The following NFATC1 variants were observed in gnomAD, a reference collection of about 807,000 sequenced individuals.
NFATC1 encodes nuclear factor of activated T cells 1.
A neutral mutation model predicts 76.0 loss-of-function variants in NFATC1; 22 were observed. The observed-to-expected ratio is 0.29, with a 90% CI of 0.21 to 0.41. NFATC1 has a LOEUF of 0.41. NFATC1 is among the 10% of genes least tolerant of loss of function. The pLI is 1.00. For synonymous variants in NFATC1, 704 were observed against 613.1 expected, an observed-to-expected ratio of 1.15 and a Z score of -2.19; for missense variants, 1,357 against 1,337.7, an observed-to-expected ratio of 1.01 and a Z score of -0.23.
At chr18:79,457,522 C>T (rs1049546971) in intron 6 of NFATC1, among the ~76,000 whole-genome samples, 5 of 152,246 alleles carry the variant, frequency 3.3e-5, no homozygotes, top group Non-Finnish European at 7.3e-5. Context: ...CAAAGTCACC[C>T]ATGGTCATGT....
At chr18:79,498,491 G>T (rs2089947595) in intron 9 of NFATC1, 1 of 151,940 alleles carries the variant, frequency 6.6e-6, no homozygotes, top group African/African-American at 2.4e-5. Flanking sequence ...TTAGACTGAG[G>T]AACAGAAAGA....
chr18:79,478,352 C>T (rs993965987), intron 8 of NFATC1, among the ~76,000 whole-genome samples: 17 of 152,132 alleles, frequency 1.1e-4, no homozygotes, highest in African/African-American at 3.6e-4. Context: ...AGCCAGGCCA[C>T]ACCAAGGCAG....
chr18:79,521,770 GT>G (rs2090590374), intron 9 of NFATC1, among the ~76,000 whole-genome samples: 1 of 52,020 alleles, frequency 1.9e-5, no homozygotes, highest in African/African-American at 8.2e-5. Context: ...GTCTGTGTGT[GT>G]GTGGGGAGCA....
intron 3 of NFATC1, among the ~76,000 whole-genome samples, chr18:79,436,457 C>G (rs1472100036): frequency 6.6e-6 from 1 of 152,312 alleles, no homozygotes; most frequent in East Asian, 1.9e-4. Flanking sequence ...TGGCGGGGGG[C>G]CGGGGGATGT....
chr18:79,428,312 C>G (rs115599139), intron 2 of NFATC1, among the ~76,000 whole-genome samples: 1,563 of 152,296 alleles, frequency 0.01, 22 homozygotes, highest in African/African-American at 0.035. Flanking sequence ...TTCAGTCTTG[C>G]ACTGGTGTTT....
chr18:79,512,232 G>A (rs147614305), intron 9 of NFATC1, among the ~76,000 whole-genome samples: 1 of 152,098 alleles, frequency 6.6e-6, no homozygotes, highest in African/African-American at 2.4e-5. Flanking sequence ...GGACACTGGC[G>A]AGTGTTTGGA....
At chr18:79,479,962 G>T (rs2089216880) in intron 8 of NFATC1, among the ~76,000 whole-genome samples, 1 of 152,222 alleles carries the variant, frequency 6.6e-6, no homozygotes, top group East Asian at 1.9e-4. Flanking sequence ...GACTTCATGG[G>T]CAAGGCTGGG....
chr18:79,459,288 C>T (rs972504105), intron 6 of NFATC1, among the ~76,000 whole-genome samples: 2 of 152,260 alleles, frequency 1.3e-5, no homozygotes, highest in Admixed American at 6.5e-5. Context: ...TGGTTCCCCA[C>T]AGGCCCACGA....
In NFATC1 at chr18:79,465,301, C is replaced by G. The variant is rs1050895820; in HGVS notation, c.1960-2149C>G. On this transcript the variant is annotated intron_variant, in intron 7 of 9. Transcript: ENST00000427363. The surrounding 1 kb of genome is among the most constrained non-coding windows in gnomAD (Gnocchi z 4.2). ...GAGAGTTGAAGTGGGTTGGCCTGTG[C>G]CCACATCAACATAGGCCCTTCCAGT... 6.6e-6 allele frequency among the ~76,000 whole-genome samples: 1 copy of G among 152,176 alleles called. No individual in the cohort carries two copies. The highest frequency in any genetic ancestry group is 1.5e-5 in the Non-Finnish European group (1 of 68,032).
intron 9 of NFATC1, among the ~76,000 whole-genome samples, chr18:79,502,494 A>G (rs1208671567): frequency 1.3e-5 from 2 of 152,234 alleles, no homozygotes; most frequent in East Asian, 1.9e-4. Context: ...ACCAAAATTT[A>G]AAATTTTTAT....
At chr18:79,460,931 G>A (rs899508632) in intron 6 of NFATC1, among the ~76,000 whole-genome samples, 1 of 152,218 alleles carries the variant, frequency 6.6e-6, no homozygotes, top group African/African-American at 2.4e-5. Flanking sequence ...CCCTGGAGAG[G>A]ACGAGGGCAT....
At chr18:79,398,867 G>A (rs973561767) in intron 1 of NFATC1, among the ~76,000 whole-genome samples, 6 of 152,224 alleles carry the variant, frequency 3.9e-5, no homozygotes, top group Non-Finnish European at 2.9e-5. Flanking sequence ...AAGAGATCGA[G>A]ACCATCCTGG....
At chr18:79,400,489 T>A in intron 1 of NFATC1, 2 of 1,429,858 alleles carry the variant, frequency 1.4e-6, no homozygotes, top group East Asian at 6.2e-5. Context: ...GGTGGGTCAG[T>A]CCCGGAGGGC....
chr18:79,402,454 A>T (rs2085300294), intron 1 of NFATC1: 1 of 946,184 alleles, frequency 1.1e-6, no homozygotes, highest in African/African-American at 1.8e-5. Context: ...GAATGAGTGA[A>T]GCCGTGAACC....
chr18:79,415,772 A>G (rs1003782916), intron 2 of NFATC1, among the ~76,000 whole-genome samples: 1 of 152,002 alleles, frequency 6.6e-6, no homozygotes, highest in African/African-American at 2.4e-5. Context: ...CGTATATTCA[A>G]ATCTCTTGGC....
intron 9 of NFATC1, 122 bp from the exon 10 acceptor site, chr18:79,527,406 G>T (rs2090797158): frequency 7.9e-6 from 6 of 762,298 alleles, no homozygotes; most frequent in Non-Finnish European, 1.3e-5. Flanking sequence ...AGGAAATGTG[G>T]GTTCCTGGGG....
rs137882529 is a variant in NFATC1, at chr18:79,483,280, G to A, written c.2093-2968G>A. On this transcript the variant is annotated intron_variant, in intron 8 of 9. Coordinates refer to ENST00000427363, the MANE Select transcript of NFATC1 (RefSeq NM_001278669.2). ...CCTGGTCCTGGGGCGTCACTCCAGC[G>A]TGACCTGGTCCTGGGGTGTCATTCC... Among the ~76,000 whole-genome samples, 109 of 134,952 alleles carry A rather than the reference G, an allele frequency of 8.1e-4. 7 individuals are homozygous for A. Among genetic ancestry groups the A allele is most frequent in the African/African-American group, 3.0e-3 (104 of 35,024 alleles). 88.5% of individuals were successfully genotyped at this position (134,952 alleles called of 152,430 possible). A position where few individuals can be genotyped will look rare whatever the true frequency, so the allele number is the denominator to read the frequency against.
chr18:79,516,192 C>T (rs1257098389), intron 9 of NFATC1: 2 of 152,160 alleles, frequency 1.3e-5, no homozygotes, highest in Non-Finnish European at 2.9e-5. Context: ...TCCCGCTCCC[C>T]ACCACCAGCT....
At chr18:79,419,752 C>T (rs1339061351) in intron 2 of NFATC1, among the ~76,000 whole-genome samples, 1 of 152,204 alleles carries the variant, frequency 6.6e-6, no homozygotes, top group Non-Finnish European at 1.5e-5. Context: ...CCTGCGCCAA[C>T]GTTGGCTTTT....
Sources: gnomAD v4.1 joint callset for allele counts (sites outside exome capture counted in the v4.1 genomes callset) on GRCh38, gnomAD v4.1.1 for gene constraint, Gnocchi (gnomAD v3.1) non-coding constraint, MANE v1.5 for transcripts, NCBI Gene and HGNC (gene_info 2026-07-23, HGNC 2026-07-21) for gene names.